The following CFAP47 variants were observed in gnomAD, a reference collection of about 807,000 sequenced individuals.
CFAP47 encodes cilia- and flagella-associated protein 47.
A neutral mutation model predicts 148.1 loss-of-function variants in CFAP47; 29 were observed. The observed-to-expected ratio is 0.20, with a 90% CI of 0.15 to 0.27. The LOEUF (loss-of-function observed/expected upper bound fraction) is 0.27, where lower values mean the gene tolerates loss of function less well. Among genes scored for constraint, CFAP47 ranks in the 10% least tolerant of loss-of-function variants. CFAP47 has a pLI of 1.00. For missense variants in CFAP47, 1,872 were observed against 1,697.5 expected (o/e 1.10, Z -1.81); for synonymous variants, 664 against 577.3 (o/e 1.15, Z -2.15).
At chrX:36,282,951 T>C (rs916457773) in intron 50 of CFAP47, among the ~76,000 whole-genome samples, 1 of 111,778 alleles carries the variant, frequency 8.9e-6, no homozygotes, top group Non-Finnish European at 1.9e-5. Context: ...TTGTGATATA[T>C]TGAATAATTG....
intron 55 of CFAP47, among the ~76,000 whole-genome samples, chrX:36,307,207 A>G (rs73460149): frequency 0.013 from 1,444 of 111,755 alleles, 26 homozygotes; most frequent in African/African-American, 0.044. Context: ...AAACTTAAAT[A>G]TAAAATATAG....
In CFAP47 at chrX:35,967,676, A is replaced by C. The variant is rs749911825; in HGVS notation, c.1658A>C (p.Lys553Thr). 8.3e-7 allele frequency: 1 copy of C among 1,208,075 alleles called. No individual in the cohort carries two copies. Among genetic ancestry groups the C allele is most frequent in the Non-Finnish European group, 1.1e-6 (1 of 894,496 alleles). ...TGKFVVKDLA[K>T]RKNYAPVAML... ...AAGTTTGTGGTCAAAGACTTGGCAA[A>C]ACGCAAGAATTATGCACCTGTAGCA... The change falls in exon 10 of 64, where the codon AAA becomes ACA. Residue 553 changes from lysine (K) to threonine (T), a missense_variant. Transcript: ENST00000378653.
chrX:36,269,685 G>T (rs868924305), intron 49 of CFAP47, among the ~76,000 whole-genome samples: 2 of 111,882 alleles, frequency 1.8e-5, no homozygotes, highest in Middle Eastern at 4.6e-3. Context: ...ATAAATTGTG[G>T]ATACTTAATG....
At chrX:36,330,776 C>T (rs1556013906) in intron 57 of CFAP47, among the ~76,000 whole-genome samples, 4 of 111,636 alleles carry the variant, frequency 3.6e-5, no homozygotes, top group African/African-American at 9.8e-5. Flanking sequence ...ACTTTACTTC[C>T]GTTACTAAGA....
chrX:36,040,473 C>T (rs779312538), intron 25 of CFAP47, among the ~76,000 whole-genome samples: 1 of 111,274 alleles, frequency 9.0e-6, no homozygotes, highest in Non-Finnish European at 1.9e-5. Flanking sequence ...ATAAATTGCA[C>T]GTTACAATTA....
At chrX:36,085,654 C>CAA (rs1351800535) in intron 30 of CFAP47, 116 bp downstream of exon 30, 4 of 346,570 alleles carry the variant, frequency 1.2e-5, no homozygotes, top group Non-Finnish European at 2.0e-5. Context: ...CACACACACA[C>CAA]ACACACACAC....
chrX:36,055,921 C>G (rs974436127), intron 26 of CFAP47, among the ~76,000 whole-genome samples: 1 of 106,639 alleles, frequency 9.4e-6, no homozygotes, highest in Non-Finnish European at 1.9e-5. Flanking sequence ...TGATGTTGAG[C>G]TTTTTTTTTT....
intron 37 of CFAP47, among the ~76,000 whole-genome samples, chrX:36,156,255 A>G (rs1452219490): frequency 9.0e-6 from 1 of 110,871 alleles, no homozygotes; most frequent in Non-Finnish European, 1.9e-5. Context: ...ATAAGATATT[A>G]TATAATTATA....
chrX:35,942,014 ATG>A lies in CFAP47; in HGVS notation c.517+628_517+629del, dbSNP rs1220603215. On this transcript the variant is annotated intron_variant, in intron 3 of 63. Coordinates refer to ENST00000378653, the MANE Select transcript of CFAP47 (RefSeq NM_001304548.2). ...CTGTGGCCTAAGAGTTTACATAAGG[ATG>A]TGTGTGTGTGTCTGTGTGTGTGTGT... Among the ~76,000 whole-genome samples, 115 of 96,433 alleles carry A rather than the reference ATG, an allele frequency of 1.2e-3. 1 individual carries two copies. The highest frequency in any genetic ancestry group is 2.1e-3 in the Non-Finnish European group (108 of 50,455). 83.7% of individuals were successfully genotyped at this position (96,433 alleles called of 115,157 possible).
intron 33 of CFAP47, among the ~76,000 whole-genome samples, chrX:36,132,976 A>G (rs1309035098): frequency 8.9e-6 from 1 of 111,819 alleles, no homozygotes; most frequent in Non-Finnish European, 1.9e-5. Context: ...GAACCTTAAC[A>G]TAAAGCTGAG....
chrX:36,101,857 G>T (rs1326073070), intron 32 of CFAP47, among the ~76,000 whole-genome samples: 1 of 111,242 alleles, frequency 9.0e-6, no homozygotes, highest in African/African-American at 3.3e-5. Context: ...TAAGCCAGTG[G>T]GTTAAAAGAA....
chrX:36,322,776 C>T (rs1490122298), intron 57 of CFAP47, among the ~76,000 whole-genome samples: 1 of 110,824 alleles, frequency 9.0e-6, no homozygotes, highest in African/African-American at 3.3e-5. Flanking sequence ...GCACACTGGC[C>T]TATGTAGTGT....
intron 25 of CFAP47, among the ~76,000 whole-genome samples, chrX:36,044,845 T>A (rs981487347): frequency 8.9e-6 from 1 of 112,365 alleles, no homozygotes; most frequent in Admixed American, 9.4e-5. Flanking sequence ...CCCACTACCT[T>A]AGTACCAATT....
In CFAP47 at chrX:36,111,673, A is replaced by G. The variant is rs921919143; in HGVS notation, c.5320+6982A>G. 8.0e-5 allele frequency among the ~76,000 whole-genome samples: 9 copies of G among 111,856 alleles called. No individual in the cohort carries two copies. In the Admixed American group the frequency reaches 8.5e-4, roughly 11 times the overall value. Reference sequence around the variant, plus strand: ...CTTCTCAATTTTGGGGAATAAGTTCAGTAGAAATGATACCAGCTCTTATTC... The same window carrying G: ...CTTCTCAATTTTGGGGAATAAGTTCGGTAGAAATGATACCAGCTCTTATTC... On this transcript the variant is annotated intron_variant, in intron 33 of 63. Transcript: ENST00000378653.
intron 15 of CFAP47, among the ~76,000 whole-genome samples, chrX:35,980,706 T>C (rs751490772): frequency 1.8e-5 from 2 of 111,217 alleles, no homozygotes; most frequent in East Asian, 5.6e-4. Flanking sequence ...GCTAAATCCA[T>C]ATCTGATGTT....
At chrX:36,210,837 A>C (rs1555989383) in intron 45 of CFAP47, among the ~76,000 whole-genome samples, 1 of 112,653 alleles carries the variant, frequency 8.9e-6, no homozygotes, top group East Asian at 2.8e-4. Flanking sequence ...TCATAGCTTT[A>C]GTTCTCACAT....
At chrX:35,952,643 G>T (rs760746543) in intron 6 of CFAP47, among the ~76,000 whole-genome samples, 3 of 111,720 alleles carry the variant, frequency 2.7e-5, no homozygotes, top group African/African-American at 9.7e-5. Flanking sequence ...GTGGAACAGG[G>T]TTGCCTGTTG....
chrX:36,216,819 A>G (rs1034298146), intron 45 of CFAP47, among the ~76,000 whole-genome samples: 1 of 111,240 alleles, frequency 9.0e-6, no homozygotes, highest in Admixed American at 9.6e-5. Flanking sequence ...CAGCTGATCC[A>G]TCCAGGATAC....
intron 32 of CFAP47, among the ~76,000 whole-genome samples, 168 bp downstream of exon 32, chrX:36,100,047 G>A (rs1039117869): frequency 2.7e-5 from 3 of 111,481 alleles, no homozygotes; most frequent in African/African-American, 9.8e-5. Flanking sequence ...GAGGGTCAAA[G>A]CTTCTGGAGT....
Sources: allele counts gnomAD v4.1 joint callset (sites outside exome capture counted in the v4.1 genomes callset), GRCh38; gene constraint gnomAD v4.1.1; transcripts MANE v1.5; gene names NCBI Gene and HGNC (gene_info 2026-07-23, HGNC 2026-07-21).